Variants in PTPRD observed in about 807,000 individuals in gnomAD.
PTPRD encodes the protein receptor-type tyrosine-protein phosphatase delta.
A neutral mutation model predicts 214.5 loss-of-function variants in PTPRD; 34 were observed. The ratio of observed to expected loss-of-function variants is 0.16; its 90% CI spans 0.12 to 0.21. PTPRD has a LOEUF of 0.21. PTPRD is among the 10% of genes least tolerant of loss of function. PTPRD has a pLI of 1.00. For missense variants in PTPRD, 2,545 were observed against 2,398.7 expected, an observed-to-expected ratio of 1.06 and a Z score of -1.27; for synonymous variants, 1,128 against 845.7, an observed-to-expected ratio of 1.33 and a Z score of -5.79.
chr9:10,209,017 G>A (rs1485686276), intron 3 of PTPRD, among the ~76,000 whole-genome samples: 1 of 152,118 alleles, frequency 6.6e-6, no homozygotes, highest in Non-Finnish European at 1.5e-5. Flanking sequence ...ACTTGGTTTG[G>A]TTTTATCTGC....
At chr9:8,340,051 A>T (rs895576957) in intron 42 of PTPRD, among the ~76,000 whole-genome samples, 5 of 152,130 alleles carry the variant, frequency 3.3e-5, no homozygotes, top group Non-Finnish European at 7.4e-5. Flanking sequence ...CAGTAAGAAT[A>T]TGCTAAAAGA....
intron 2 of PTPRD, among the ~76,000 whole-genome samples, chr9:10,487,966 GTCTCTCTCTCTCTCTCTCTCTCTC>G (rs56372955): frequency 9.1e-6 from 1 of 110,270 alleles, no homozygotes; most frequent in African/African-American, 3.9e-5. Flanking sequence ...AATGAACACA[GTCTCTCTCTCTCTCTCTCTCTCTC>G]TCTCTCTCTC....
intron 2 of PTPRD, among the ~76,000 whole-genome samples, chr9:10,415,642 T>C (rs767353296): frequency 2.0e-5 from 3 of 151,994 alleles, no homozygotes; most frequent in South Asian, 4.2e-4. Flanking sequence ...GTGGTTTTGA[T>C]AGAGAGACGT....
chr9:9,909,962 A>G (rs997111394), intron 5 of PTPRD, among the ~76,000 whole-genome samples: 2 of 152,112 alleles, frequency 1.3e-5, no homozygotes, highest in East Asian at 3.9e-4. Flanking sequence ...AAATGACAAA[A>G]TCATCCTATC....
chr9:9,189,754 T>C lies in PTPRD; in HGVS notation c.-202-6391A>G, dbSNP rs778761760. On this transcript the variant is annotated intron_variant, in intron 9 of 45. Coordinates refer to ENST00000381196, the MANE Select transcript of PTPRD (RefSeq NM_002839.4). The stretch of plus-strand genomic sequence containing the variant: ...TGAAATGAATAAACAAATCAAAATC[T>C]GGCTCTTTATTATTTTGCTATGCAC... Among the ~76,000 whole-genome samples the C allele has an allele frequency of 9.7e-4, 147 of 152,228 alleles. 1 individual carries two copies. Among genetic ancestry groups the C allele is most frequent in the Non-Finnish European group, 1.9e-3 (126 of 67,992 alleles).
intron 12 of PTPRD, among the ~76,000 whole-genome samples, chr9:8,652,426 G>C (rs1260339646): frequency 6.6e-6 from 1 of 152,222 alleles, no homozygotes; most frequent in Non-Finnish European, 1.5e-5. Flanking sequence ...AACAGAAGCT[G>C]TGGCTGACAG....
At chr9:10,472,875 A>T (rs2099040133) in intron 2 of PTPRD, among the ~76,000 whole-genome samples, 2 of 152,054 alleles carry the variant, frequency 1.3e-5, no homozygotes, top group African/African-American at 4.8e-5. Context: ...AAAAGGGACA[A>T]GGAGAAAAAT....
chr9:10,035,597 C>G (rs2097165925), intron 3 of PTPRD, among the ~76,000 whole-genome samples: 2 of 151,898 alleles, frequency 1.3e-5, no homozygotes, highest in South Asian at 4.2e-4. Context: ...ATTTCTGGCT[C>G]TTCTTACTTC....
intron 7 of PTPRD, among the ~76,000 whole-genome samples, chr9:9,625,341 C>A (rs967718007): frequency 6.6e-6 from 1 of 152,132 alleles, no homozygotes; most frequent in Non-Finnish European, 1.5e-5. Context: ...ATGTGCTGCT[C>A]AAGTGTGAAT....
intron 11 of PTPRD, among the ~76,000 whole-genome samples, chr9:8,784,974 A>G (rs187481949): frequency 1.3e-5 from 2 of 152,316 alleles, no homozygotes; most frequent in African/African-American, 4.8e-5. Context: ...AGGGACTCCG[A>G]GAGCACCATT....
rs146710169 is a variant in PTPRD at position 9,285,844 on chromosome 9, T to C, written c.-202-102481A>G. Among the ~76,000 whole-genome samples, 1,461 of 151,968 alleles carry C rather than the reference T, an allele frequency of 9.6e-3. 16 individuals carry two copies. Among genetic ancestry groups the C allele is most frequent in the Admixed American group, 0.013 (193 of 15,224 alleles). On this transcript the variant is annotated intron_variant, in intron 9 of 45. Coordinates refer to ENST00000381196, the MANE Select transcript of PTPRD (RefSeq NM_002839.4). Reference sequence around the variant, plus strand: ...GCCTCAACTACTCTTTGTATGTAGATAGCTCTGAAAGCTCTATATCTATCT... The same window carrying C: ...GCCTCAACTACTCTTTGTATGTAGACAGCTCTGAAAGCTCTATATCTATCT...
chr9:9,332,644 T>G (rs776896649), intron 9 of PTPRD, among the ~76,000 whole-genome samples: 2 of 151,816 alleles, frequency 1.3e-5, no homozygotes, highest in Admixed American at 6.6e-5. Context: ...TTCAACATTT[T>G]CTAGTGATGC....
intron 5 of PTPRD, among the ~76,000 whole-genome samples, chr9:9,799,180 G>A (rs1452447785): frequency 1.3e-5 from 2 of 152,090 alleles, no homozygotes; most frequent in Non-Finnish European, 2.9e-5. Context: ...AAATAAATGA[G>A]ATAGGTTTGT....
intron 43 of PTPRD, 67 bp downstream of exon 43, chr9:8,338,855 G>GAGAGAGAGAGAGAGAA: frequency 6.7e-7 from 1 of 1,484,740 alleles, no homozygotes; most frequent in South Asian, 1.4e-5. Context: ...CCCAGAGAGA[G>GAGAGAGAGAGAGAGAA]AGAGAGAGAG....
intron 2 of PTPRD, among the ~76,000 whole-genome samples, chr9:10,582,055 T>C (rs1026591550): frequency 3.3e-5 from 5 of 152,190 alleles, no homozygotes; most frequent in African/African-American, 1.2e-4. Flanking sequence ...CATGACAAGT[T>C]AAGTTTTTCT....
intron 10 of PTPRD, among the ~76,000 whole-genome samples, chr9:9,069,635 A>T (rs974714008): frequency 6.6e-6 from 1 of 152,244 alleles, no homozygotes; most frequent in African/African-American, 2.4e-5. Flanking sequence ...TTAAATGCCA[A>T]TTATTTAGTT....
chr9:8,760,065 G>A (rs937364069), intron 11 of PTPRD, among the ~76,000 whole-genome samples: 2 of 152,102 alleles, frequency 1.3e-5, no homozygotes, highest in East Asian at 3.9e-4. Flanking sequence ...AAGGTAGCTG[G>A]GATTACAGGC....
chr9:9,809,845 G>A (rs1298080072), intron 5 of PTPRD, among the ~76,000 whole-genome samples: 1 of 152,102 alleles, frequency 6.6e-6, no homozygotes. Context: ...TAAATTTGAG[G>A]TTGGAGCAAA....
intron 8 of PTPRD, among the ~76,000 whole-genome samples, chr9:9,434,522 G>A (rs1473747701): frequency 6.6e-6 from 1 of 152,034 alleles, no homozygotes. Flanking sequence ...GAAAAATAAG[G>A]TTCTGAAGTT....
Sources: allele counts gnomAD v4.1 joint callset (sites outside exome capture counted in the v4.1 genomes callset), GRCh38; gene constraint gnomAD v4.1.1; transcripts MANE v1.5; gene names NCBI Gene and HGNC (gene_info 2026-07-23, HGNC 2026-07-21).